DENND4A: variants seen among roughly 807,000 people sequenced by gnomAD.
DENND4A encodes the protein C-myc promoter-binding protein.
In DENND4A, 70 loss-of-function variants were observed where a neutral mutation model predicts 199.3. The ratio of observed to expected loss-of-function variants is 0.35; its 90% CI spans 0.29 to 0.43. DENND4A has a LOEUF of 0.43. Ranked by LOEUF, DENND4A falls within the 20% of genes least tolerant of loss-of-function variation. The pLI, the probability that DENND4A is intolerant of heterozygous loss-of-function variation, is 1.00. For synonymous variants in DENND4A, 686 were observed against 766.9 expected (o/e 0.89, Z 1.74); for missense variants, 1,723 against 2,255.8 (o/e 0.76, Z 4.78).
intron 4 of DENND4A, among the ~76,000 whole-genome samples, chr15:65,743,916 C>T (rs2076320351): frequency 6.6e-6 from 1 of 151,460 alleles, no homozygotes; most frequent in Non-Finnish European, 1.5e-5. Flanking sequence ...ATTTTGGCTT[C>T]TATTACTCTT....
chr15:65,762,696 A>G (rs1453118888), intron 1 of DENND4A, among the ~76,000 whole-genome samples: 1 of 152,208 alleles, frequency 6.6e-6, no homozygotes, highest in Non-Finnish European at 1.5e-5. Flanking sequence ...ATTCGGTATA[A>G]CTTTATATAG....
intron 12 of DENND4A, 58 bp downstream of exon 12, chr15:65,722,790 G>C: frequency 2.3e-6 from 3 of 1,288,592 alleles, no homozygotes; most frequent in Non-Finnish European, 3.1e-6. Flanking sequence ...GTAAGGCAAA[G>C]TAATTGGAGT....
intron 1 of DENND4A, chr15:65,771,948 T>C (rs2077142432): frequency 7.5e-6 from 12 of 1,590,552 alleles, no homozygotes; most frequent in Non-Finnish European, 6.9e-6. Context: ...TTTTCAAATC[T>C]TCATCACCAC....
intron 30 of DENND4A, 193 bp downstream of exon 30, chr15:65,665,152 C>T: frequency 2.0e-6 from 1 of 491,088 alleles, no homozygotes. Context: ...CAAAAAAAAA[C>T]CCTTAGACCT....
intron 4 of DENND4A, among the ~76,000 whole-genome samples, chr15:65,747,951 A>C (rs1039303354): frequency 8.7e-5 from 13 of 149,662 alleles, no homozygotes; most frequent in Admixed American, 6.0e-4. Context: ...GAGGCAGGAG[A>C]ATCACTTGAA....
intron 14 of DENND4A, among the ~76,000 whole-genome samples, chr15:65,709,719 A>T (rs6494535): frequency 0.03 from 1,522 of 51,006 alleles, 50 homozygotes; most frequent in East Asian, 0.14. Context: ...AAAAAAAAAA[A>T]ATATATATAT....
chr15:65,702,501 G>C lies in DENND4A; in HGVS notation c.2234C>G (p.Ser745Ter). ...MFRRTKQEIK[S>*]AHKIAKRYSS... ...GTACCTCTTTGCAATTTTATGGGCT[G>C]ATTTAATTTCCTGGAAAAAATATAA... Residue 745 changes from serine (S) to a stop codon, truncating the protein, a stop_gained, in exon 17 of 33, where the codon TCA (serine) becomes TGA (stop). Transcript: ENST00000443035. LOFTEE classifies it high-confidence loss of function. 1.3e-6 allele frequency: 2 copies of C among 1,580,894 alleles called. No homozygotes were observed. Among genetic ancestry groups the C allele is most frequent in the Non-Finnish European group, 8.6e-7 (1 of 1,163,198 alleles).
At position 65,710,583 on chromosome 15, in the gene DENND4A, C is replaced by CA. The variant is rs199780625; in HGVS notation, c.1954-4360dup. On this transcript the variant is annotated intron_variant, in intron 14 of 32. Transcript: ENST00000443035. ...CAGACAGAAACATCATCTTTATATA[C>CA]AAAAAAAAACCCACAATTGTTCCTA... 2.2e-3 allele frequency among the ~76,000 whole-genome samples: 335 copies of CA among 150,884 alleles called. 2 individuals are homozygous for CA. The highest frequency in any genetic ancestry group is 6.1e-3 in the South Asian group (29 of 4,770).
chr15:65,675,413 G>C (rs1198816094), intron 24 of DENND4A, among the ~76,000 whole-genome samples: 1 of 151,734 alleles, frequency 6.6e-6, no homozygotes, highest in East Asian at 1.9e-4. Context: ...AAGCAATAAG[G>C]GGAAAGACTG....
At chr15:65,665,092 C>T in intron 30 of DENND4A, 1 of 473,724 alleles carries the variant, frequency 2.1e-6, no homozygotes, top group Non-Finnish European at 3.7e-6. Flanking sequence ...ACCCCTCCAG[C>T]ACATACACAG....
At chr15:65,786,479 C>A (rs1337480107) in intron 1 of DENND4A, among the ~76,000 whole-genome samples, 1 of 151,898 alleles carries the variant, frequency 6.6e-6, no homozygotes, top group Non-Finnish European at 1.5e-5. Context: ...CCTATAATCC[C>A]AGCACTTTGG....
chr15:65,696,747 T>C (rs759036372), intron 21 of DENND4A: 5 of 280,820 alleles, frequency 1.8e-5, no homozygotes, highest in Non-Finnish European at 2.7e-5. Flanking sequence ...TCCTCACTGA[T>C]TGTAAAGGAG....
intron 25 of DENND4A, among the ~76,000 whole-genome samples, chr15:65,671,354 C>T (rs1458559826): frequency 6.6e-6 from 1 of 152,192 alleles, no homozygotes; most frequent in African/African-American, 2.4e-5. Context: ...ATGCAATTCA[C>T]ATTCTGAAAT....
At chr15:65,702,265 T>A in intron 17 of DENND4A, 40 bp downstream of exon 17, 2 of 1,499,592 alleles carry the variant, frequency 1.3e-6, no homozygotes, top group East Asian at 4.9e-5. Flanking sequence ...TGAGACCCCA[T>A]CTCAAAAAAA....
chr15:65,668,211 T>C, intron 27 of DENND4A, 88 bp from the exon 28 acceptor site: 4 of 181,764 alleles, frequency 2.2e-5, no homozygotes, highest in Non-Finnish European at 4.0e-5. Flanking sequence ...TCTCTCTCTC[T>C]TTTTTTTTTT....
At position 65,671,832 on chromosome 15, in the gene DENND4A, T is replaced by C; in HGVS notation, c.4424A>G (p.Asn1475Ser). 5 of 1,613,050 alleles carry C rather than the reference T, an allele frequency of 3.1e-6. No homozygotes were observed. The highest frequency in any genetic ancestry group is 3.4e-6 in the Non-Finnish European group (4 of 1,178,992). ...PGKSEVTSSF[N>S]ASNTNIFQNY... ...CTGGAAGATATTTGTATTACTCGCG[T>C]TGAAGGAAGATGTCACTTCTGATTT... The change falls in exon 25 of 33, where the codon AAC (asparagine) becomes AGC (serine). Residue 1475 changes from asparagine to serine, a missense_variant. Physicochemically the swap from Asn to Ser is conservative, Grantham distance 46. Transcript: ENST00000443035.
chr15:65,744,800 C>G lies in DENND4A; in HGVS notation c.562-3016G>C, dbSNP rs139762086. Among the ~76,000 whole-genome samples the G allele has an allele frequency of 4.8e-3, 729 of 152,162 alleles. 3 individuals carry two copies. The highest frequency in any genetic ancestry group is 7.3e-3 in the Non-Finnish European group (497 of 68,006). On this transcript the variant is annotated intron_variant, in intron 4 of 32. Transcript: ENST00000443035. ...TGGCTTGTTTCTCATGTAATCCTTT[C>G]AAGAATTAAATAAGAATTGTACTTG...
chr15:65,661,810 C>CT lies in DENND4A; in HGVS notation c.*40dup, dbSNP rs1164184873. 22 of 1,514,458 alleles carry CT rather than the reference C, an allele frequency of 1.5e-5. No homozygotes were observed. The highest frequency in any genetic ancestry group is 1.9e-5 in the Non-Finnish European group (21 of 1,116,274). 93.8% of individuals were successfully genotyped at this position (1,514,458 alleles called of 1,614,324 possible). Reference sequence around the variant, plus strand: ...CTAAAAGTGTTATTTTATACACTGACTATACAATATACATTGAATGTTTAC... The same window carrying CT: ...CTAAAAGTGTTATTTTATACACTGACTTATACAATATACATTGAATGTTTAC... On this transcript the variant is annotated 3_prime_UTR_variant, in exon 33 of 33. Coordinates refer to ENST00000443035, the MANE Select transcript of DENND4A (RefSeq NM_001320835.1).
intron 8 of DENND4A, 112 bp downstream of exon 8, chr15:65,732,640 T>C: frequency 1.5e-6 from 1 of 669,770 alleles, no homozygotes; most frequent in Non-Finnish European, 2.5e-6. Context: ...TCTGGTTCTC[T>C]CTAAATCTCA....
Sources: allele counts gnomAD v4.1 joint callset (sites outside exome capture counted in the v4.1 genomes callset), GRCh38; gene constraint gnomAD v4.1.1; transcripts MANE v1.5; gene names NCBI Gene and HGNC (gene_info 2026-07-23, HGNC 2026-07-21).